The following ZNF407 variants were observed in gnomAD, a reference collection of about 807,000 sequenced individuals.
ZNF407 encodes the protein zinc finger protein 407.
Under a neutral mutation model 131.2 loss-of-function variants are expected in ZNF407, and 17 were observed. The ratio of observed to expected loss-of-function variants is 0.13; its 90% CI spans 0.09 to 0.19. The LOEUF is 0.19. ZNF407 is among the 10% of genes least tolerant of loss of function. The pLI, the probability that ZNF407 is intolerant of heterozygous loss-of-function variation, is 1.00. For missense variants in ZNF407, 2,681 were observed against 2,830.6 expected, an observed-to-expected ratio of 0.95 and a Z score of 1.20; for synonymous variants, 1,156 against 1,062.0, an observed-to-expected ratio of 1.09 and a Z score of -1.72.
intron 3 of ZNF407, among the ~76,000 whole-genome samples, chr18:74,642,280 G>A (rs1052349004): frequency 6.6e-6 from 1 of 152,080 alleles, no homozygotes; most frequent in Middle Eastern, 3.2e-3. Context: ...AGATGAGTGG[G>A]AGAATGAGTT....
chr18:74,863,308 TATTATTTTG>T (rs1970964362), intron 4 of ZNF407, among the ~76,000 whole-genome samples: 1 of 151,750 alleles, frequency 6.6e-6, no homozygotes, highest in Non-Finnish European at 1.5e-5. Context: ...CTTGATTGCG[TATTATTTTG>T]AAGAATAATA....
intron 4 of ZNF407, among the ~76,000 whole-genome samples, chr18:74,805,462 A>G (rs1209668818): frequency 1.3e-5 from 2 of 152,236 alleles, no homozygotes; most frequent in African/African-American, 2.4e-5. Context: ...TACATTTTCA[A>G]TGCAAATTGT....
intron 8 of ZNF407, among the ~76,000 whole-genome samples, chr18:75,024,363 C>T (rs1282964642): frequency 1.3e-5 from 2 of 152,038 alleles, no homozygotes; most frequent in African/African-American, 4.8e-5. Flanking sequence ...TTAATCACAC[C>T]ACACAGAAAA....
intron 3 of ZNF407, among the ~76,000 whole-genome samples, chr18:74,768,937 T>A (rs1399026381): frequency 6.6e-6 from 1 of 152,136 alleles, no homozygotes; most frequent in East Asian, 1.9e-4. Flanking sequence ...AATGCTACAG[T>A]GTGTGTTCTG....
intron 8 of ZNF407, chr18:75,061,305 TTC>T (rs1396936613): frequency 5.3e-5 from 8 of 152,246 alleles, no homozygotes; most frequent in Non-Finnish European, 1.0e-4. Context: ...CTATCGATCA[TTC>T]TCTTATTTAG....
intron 1 of ZNF407, among the ~76,000 whole-genome samples, chr18:74,613,497 A>G (rs1983152749): frequency 6.6e-6 from 1 of 152,236 alleles, no homozygotes; most frequent in Non-Finnish European, 1.5e-5. Context: ...AAGCATTTGT[A>G]GTTATGTAAT....
intron 4 of ZNF407, among the ~76,000 whole-genome samples, chr18:74,861,419 G>A (rs749301901): frequency 1.3e-5 from 2 of 152,196 alleles, no homozygotes; most frequent in Admixed American, 6.5e-5. Flanking sequence ...ATCACTTAGC[G>A]GAATGTGCTG....
chr18:74,766,538 A>G (rs1969238017), intron 3 of ZNF407, among the ~76,000 whole-genome samples: 1 of 152,206 alleles, frequency 6.6e-6, no homozygotes, highest in Non-Finnish European at 1.5e-5. Flanking sequence ...GCTTTTCTTA[A>G]CCAGCTACAT....
In ZNF407 at chr18:75,053,451, C is replaced by T. The variant is rs75259996; in HGVS notation, c.5429-9699C>T. 1.4e-3 allele frequency among the ~76,000 whole-genome samples: 210 copies of T among 152,300 alleles called. 2 individuals carry two copies. Among genetic ancestry groups the T allele is most frequent in the African/African-American group, 4.3e-3 (180 of 41,554 alleles). ...GCTGCCTGACTGTGGGTTCCAACAG[C>T]TGCCACTTCACTCAGGGTTTCCATT... On this transcript the variant is annotated intron_variant, in intron 8 of 8. Transcript: ENST00000299687.
chr18:74,613,093 A>G (rs1488344372), intron 1 of ZNF407, among the ~76,000 whole-genome samples: 2 of 152,220 alleles, frequency 1.3e-5, no homozygotes, highest in Non-Finnish European at 2.9e-5. Flanking sequence ...TATTGAGTCT[A>G]AGTGACTTCT....
intron 4 of ZNF407, among the ~76,000 whole-genome samples, chr18:74,833,116 G>C (rs948497682): frequency 1.3e-5 from 2 of 152,142 alleles, no homozygotes; most frequent in Non-Finnish European, 2.9e-5. Flanking sequence ...GTTTCATTCT[G>C]GAAGCCAGAT....
chr18:74,672,220 T>G (rs1301178819), intron 3 of ZNF407, among the ~76,000 whole-genome samples: 1 of 152,216 alleles, frequency 6.6e-6, no homozygotes, highest in Non-Finnish European at 1.5e-5. Flanking sequence ...CATCTGTTAT[T>G]TTTTGACTGT....
chr18:74,963,672 AT>A (rs1321399339), intron 8 of ZNF407, among the ~76,000 whole-genome samples: 1 of 152,230 alleles, frequency 6.6e-6, no homozygotes. Flanking sequence ...TCCACATTTT[AT>A]TGTTTTTACA....
At chr18:74,598,595 G>A (rs1026472234) in intron 1 of ZNF407, 1 of 152,402 alleles carries the variant, frequency 6.6e-6, no homozygotes, top group African/African-American at 2.4e-5. Flanking sequence ...AGCGACGCTG[G>A]TGTGGGCGGG....
intron 3 of ZNF407, among the ~76,000 whole-genome samples, chr18:74,761,747 G>A (rs563849412): frequency 6.6e-6 from 1 of 152,172 alleles, no homozygotes; most frequent in South Asian, 2.1e-4. Flanking sequence ...TGTGTTTTAA[G>A]TTCTTATGAA....
At chr18:74,816,564 G>A (rs150886882) in intron 4 of ZNF407, among the ~76,000 whole-genome samples, 1,732 of 152,066 alleles carry the variant, frequency 0.011, 10 homozygotes, top group South Asian at 0.024. Context: ...CAATATTATT[G>A]GCATTTTGTT....
chr18:74,611,001 G>A (rs1369634633), intron 1 of ZNF407, among the ~76,000 whole-genome samples: 1 of 152,222 alleles, frequency 6.6e-6, no homozygotes, highest in Non-Finnish European at 1.5e-5. Flanking sequence ...CCTCAATGAA[G>A]TAATGGTTAA....
chr18:74,783,993 A>T (rs191461548), intron 4 of ZNF407, among the ~76,000 whole-genome samples: 18 of 152,274 alleles, frequency 1.2e-4, no homozygotes, highest in African/African-American at 3.6e-4. Context: ...GCAAACCAAG[A>T]TTTCAATGGT....
chr18:74,960,658 C>G (rs1040737717), intron 8 of ZNF407, among the ~76,000 whole-genome samples: 1 of 137,048 alleles, frequency 7.3e-6, no homozygotes, highest in Non-Finnish European at 1.5e-5. Context: ...TGAGTCAGTG[C>G]TGGGTGGAGG....
Sources: allele counts gnomAD v4.1 joint callset (sites outside exome capture counted in the v4.1 genomes callset), GRCh38; gene constraint gnomAD v4.1.1; transcripts MANE v1.5; gene names NCBI Gene and HGNC (gene_info 2026-07-23, HGNC 2026-07-21).